CAPN15: variants seen among roughly 807,000 people sequenced by gnomAD.
CAPN15 encodes calpain-15.
CAPN15 carries 53 observed loss-of-function variants against 97.9 expected under a neutral mutation model. The observed-to-expected ratio is 0.54, with a 90% CI of 0.43 to 0.68. The LOEUF (loss-of-function observed/expected upper bound fraction) is 0.68, where lower values mean the gene tolerates loss of function less well. CAPN15 is among the 30% of genes least tolerant of loss of function. The pLI is 0.00. For synonymous variants in CAPN15, 922 were observed against 722.5 expected, an observed-to-expected ratio of 1.28 and a Z score of -4.43; for missense variants, 1,592 against 1,589.8, an observed-to-expected ratio of 1.00 and a Z score of -0.02.
Position 549,766 on chromosome 16 carries a change from C to G in CAPN15, c.1994C>G (p.Ser665Cys), listed in dbSNP as rs757114864. The G allele has an allele frequency of 2.0e-5, 32 of 1,592,574 alleles. No individual in the cohort carries two copies. The highest frequency in any genetic ancestry group is 2.7e-5 in the Non-Finnish European group (32 of 1,169,866). ...GAGAGCCTGGCGCTGCAGCTCAGCT[C>G]CACTAACCCCCGCGAGGAGCCCGTT... Reference protein sequence around the residue: ...PCESLALQLSSTNPREEPVDT... With the variant: ...PCESLALQLSCTNPREEPVDT... The change falls in exon 7 of 14, where the codon TCC becomes TGC. Residue 665 changes from serine to cysteine, a missense_variant. Coordinates refer to ENST00000219611, the MANE Select transcript of CAPN15 (RefSeq NM_005632.3).
In CAPN15 at chr16:545,865, C is replaced by T. The variant is rs375290273; in HGVS notation, c.-22-952C>T. Among the ~76,000 whole-genome samples the T allele has an allele frequency of 9.2e-5, 14 of 152,368 alleles. No homozygotes were observed. The East Asian group carries it at 2.1e-3, about 23-fold the overall frequency. ...GCCCAGGCCGGACGCCTGGGCTGTG[C>T]CGCCTCGGCAGCCAGGCCGAGGAAC... On this transcript the variant is annotated intron_variant, in intron 3 of 13. Transcript: ENST00000219611.
rs1390966174 is a variant in CAPN15 at position 554,246 on chromosome 16, CA to C, written c.*731del. Reference sequence around the variant, plus strand: ...ACCCTGTCCCTCGGCCCGGCCCTGCCAGAGAGGGACCCCAGCACATCGTGGG... The same window carrying C: ...ACCCTGTCCCTCGGCCCGGCCCTGCCGAGAGGGACCCCAGCACATCGTGGG... On this transcript the variant is annotated 3_prime_UTR_variant, in exon 14 of 14. Coordinates refer to ENST00000219611, the MANE Select transcript of CAPN15 (RefSeq NM_005632.3). 3 of 333,632 alleles carry C rather than the reference CA, an allele frequency of 9.0e-6. No homozygotes were observed. The East Asian group carries it at 2.3e-4, about 26-fold the overall frequency. 20.7% of individuals were successfully genotyped at this position (333,632 alleles called of 1,614,324 possible). A position where few individuals can be genotyped will look rare whatever the true frequency, so the allele number is the denominator to read the frequency against.
At chr16:546,703 T>C (rs2034607686) in intron 3 of CAPN15, 114 bp from the exon 4 acceptor site, 2 of 1,371,326 alleles carry the variant, frequency 1.5e-6, no homozygotes, top group Admixed American at 5.6e-5. Flanking sequence ...CCCTAGGCCC[T>C]CGGCCCCGTA....
At position 549,327 on chromosome 16, in the gene CAPN15, C is replaced by G. The variant is rs1011377881; in HGVS notation, c.1698C>G (p.Asp566Glu). The change falls in exon 6 of 14, where the codon GAC (aspartate) becomes GAG (glutamate). Residue 566 changes from aspartate to glutamate, a missense_variant. Physicochemically the swap from Asp to Glu is conservative, Grantham distance 45. Coordinates refer to ENST00000219611, the MANE Select transcript of CAPN15 (RefSeq NM_005632.3). The stretch of plus-strand genomic sequence containing the variant: ...TGGCGGTGCTGGCGGAGCGGCCGGA[C>G]CTGGTGGAGCGGGTGATGGTCACGC... ...SALAVLAERP[D>E]LVERVMVTRS... 6.3e-7 allele frequency: 1 copy of G among 1,594,494 alleles called. No homozygotes were observed. Among genetic ancestry groups the G allele is most frequent in the Non-Finnish European group, 8.5e-7 (1 of 1,177,166 alleles).
chr16:548,386 A>G (rs1037046182), intron 4 of CAPN15, 99 bp downstream of exon 4: 1 of 1,226,754 alleles, frequency 8.2e-7, no homozygotes, highest in African/African-American at 1.6e-5. Context: ...GGAGGAGCCC[A>G]CAAGGCCTAA....
rs1255316865 is a variant in CAPN15 at position 552,831 on chromosome 16, C to T, written c.2905-32C>T. ...CAGGGGGAGTATGCCCCAGCACCTC[C>T]CCTGCCCCACAACTGCCATTCCTGT... is the stretch of plus-strand genomic sequence containing the variant. On this transcript the variant is annotated intron_variant, in intron 12 of 13. Transcript: ENST00000219611. This position sits in a 1 kb window ranked among gnomAD's most constrained non-coding sequence, Gnocchi z 6.4. The T allele has an allele frequency of 9.5e-6, 15 of 1,575,208 alleles. No homozygotes were observed. Among genetic ancestry groups the T allele is most frequent in the Non-Finnish European group, 1.2e-5 (14 of 1,158,026 alleles).
rs182876446 is a variant in CAPN15 at position 544,489 on chromosome 16, C to T, written c.-22-2328C>T. 1.1e-3 allele frequency among the ~76,000 whole-genome samples: 171 copies of T among 152,246 alleles called. 1 individual carries two copies. The highest frequency in any genetic ancestry group is 3.6e-3 in the African/African-American group (149 of 41,540). On this transcript the variant is annotated intron_variant, in intron 3 of 13. Coordinates refer to ENST00000219611, the MANE Select transcript of CAPN15 (RefSeq NM_005632.3). ...TCACAGGCCCGCGGCCTCCACGCTC[C>T]GGGTGCTGCTGTCCCGGCTGCTTCA...
rs1247824213 is a variant in CAPN15, at chr16:553,526, C to T, written c.*10C>T. The T allele has an allele frequency of 2.5e-6, 4 of 1,595,418 alleles. No homozygotes were observed. The highest frequency in any genetic ancestry group is 3.4e-6 in the Non-Finnish European group (4 of 1,168,250). On this transcript the variant is annotated 3_prime_UTR_variant, in exon 14 of 14. Transcript: ENST00000219611. ...GCCCCGACCGCTGTGACCACCATGCCTGGGGCAGGGGCTGTGCACAGACGG... is the reference window on the plus strand; with the variant it reads ...GCCCCGACCGCTGTGACCACCATGCTTGGGGCAGGGGCTGTGCACAGACGG...
In CAPN15 at chr16:549,397, G is replaced by A. The variant is rs2034832818; in HGVS notation, c.1768G>A (p.Asp590Asn). 6.3e-7 allele frequency: 1 copy of A among 1,599,446 alleles called. No homozygotes were observed. Among genetic ancestry groups the A allele is most frequent in the Non-Finnish European group, 8.5e-7 (1 of 1,178,790 alleles). Residue 590 changes from aspartate (D) to asparagine (N), a missense_variant, in exon 6 of 14, where the codon GAC (aspartate) becomes AAC (asparagine). This residue lies in a region of CAPN15 where 65 missense variants were observed against 113.7 expected (regional missense o/e 0.57). Transcript: ENST00000219611. ...CGCCTACCAGGTGCGGCTGTGCAAG[G>A]ACGGCACGTGGACCACGGTGCTGGT... is the stretch of plus-strand genomic sequence containing the variant. ...EGAYQVRLCK[D>N]GTWTTVLVDD...
At position 535,961 on chromosome 16, in the gene CAPN15, G is replaced by A. The variant is rs566989804; in HGVS notation, c.-136-68G>A. 138 of 415,052 alleles carry A rather than the reference G, an allele frequency of 3.3e-4. No homozygotes were observed. Among genetic ancestry groups the A allele is most frequent in the South Asian group, 2.2e-3 (23 of 10,276 alleles). 25.7% of individuals were successfully genotyped at this position (415,052 alleles called of 1,614,324 possible). ...CGGGGGCCTCACCCTGCTGTCCCTC[G>A]GCCTGGCCTGGGCACACTCCTTGGT... On this transcript the variant is annotated intron_variant, in intron 2 of 13. Transcript: ENST00000219611. The surrounding 1 kb of genome is among the most constrained non-coding windows in gnomAD (Gnocchi z 6.2).
At chr16:541,482 G>A (rs1006340586) in intron 3 of CAPN15, among the ~76,000 whole-genome samples, 3 of 152,182 alleles carry the variant, frequency 2.0e-5, no homozygotes, top group Non-Finnish European at 2.9e-5. Context: ...CCTGGTGGTC[G>A]GCAGAGGAAG....
At chr16:531,115 AG>A (rs2141945946) in intron 1 of CAPN15, among the ~76,000 whole-genome samples, 1 of 152,408 alleles carries the variant, frequency 6.6e-6, no homozygotes, top group South Asian at 2.1e-4. Flanking sequence ...CCTCTGTGGA[AG>A]GAGCTTGCTC....
intron 13 of CAPN15, 143 bp downstream of exon 13, chr16:553,184 C>CCA: frequency 2.0e-6 from 1 of 497,362 alleles, no homozygotes; most frequent in East Asian, 3.4e-5. Context: ...ACCCATGCCC[C>CCA]CCCCACCCCT....
In CAPN15 at chr16:547,678, G is replaced by A; in HGVS notation, c.840G>A (p.Trp280Ter). 1 of 1,588,850 alleles carries A rather than the reference G, an allele frequency of 6.3e-7. No individual in the cohort carries two copies. ...GCRGAPQGSG[W>*]AGASRLAELL... is the part of the protein sequence containing the mutation. Reference sequence around the variant, plus strand: ...GGGGAGCCCCCCAGGGCTCGGGCTGGGCTGGGGCCTCCCGCCTAGCAGAGT... The same window carrying A: ...GGGGAGCCCCCCAGGGCTCGGGCTGAGCTGGGGCCTCCCGCCTAGCAGAGT... The change falls in exon 4 of 14, where the codon TGG becomes TGA. Residue 280 changes from tryptophan to a stop codon, truncating the protein, a stop_gained. Transcript: ENST00000219611. LOFTEE classifies it high-confidence loss of function.
chr16:549,855 T>G lies in CAPN15; in HGVS notation c.2066+17T>G, dbSNP rs1243517124. The G allele has an allele frequency of 2.6e-6, 4 of 1,548,124 alleles. No homozygotes were observed. The Admixed American group carries it at 7.5e-5, about 29-fold the overall frequency. On this transcript the variant is annotated intron_variant, in intron 7 of 13. Coordinates refer to ENST00000219611, the MANE Select transcript of CAPN15 (RefSeq NM_005632.3). Reference sequence around the variant, plus strand: ...GGAGGCTGGGTAAGAGGAGGGGCACTGCGTGGTCAGCCGCGTTGGGAGGAG... The same window carrying G: ...GGAGGCTGGGTAAGAGGAGGGGCACGGCGTGGTCAGCCGCGTTGGGAGGAG...
intron 3 of CAPN15, among the ~76,000 whole-genome samples, chr16:545,124 A>G (rs1474830636): frequency 1.3e-5 from 2 of 151,966 alleles, no homozygotes; most frequent in East Asian, 1.9e-4. Context: ...TCAAGGCTGC[A>G]GTGAGCCGTG....
At position 552,450 on chromosome 16, in the gene CAPN15, T is replaced by A. The variant is rs1403673759; in HGVS notation, c.2657T>A (p.Leu886Gln). Residue 886 changes from leucine to glutamine, a missense_variant, in exon 11 of 14, where the codon CTG becomes CAG. By Grantham distance (113) the Leu-to-Gln change is moderately radical (BLOSUM62 -2). Coordinates refer to ENST00000219611, the MANE Select transcript of CAPN15 (RefSeq NM_005632.3). This position sits in a 1 kb window ranked among gnomAD's most constrained non-coding sequence, Gnocchi z 6.4. The part of the protein sequence containing the change: ...VKKFVSCDVM[L>Q]EPGEYAVVCC... Reference sequence around the variant, plus strand: ...AAGTTCGTCAGCTGCGACGTCATGCTGGAGCCTGGCGAGTACGCTGTGGTG... The same window carrying A: ...AAGTTCGTCAGCTGCGACGTCATGCAGGAGCCTGGCGAGTACGCTGTGGTG... 1 of 1,610,190 alleles carries A rather than the reference T, an allele frequency of 6.2e-7. No individual in the cohort carries two copies. The highest frequency in any genetic ancestry group is 8.5e-7 in the Non-Finnish European group (1 of 1,179,676).
At chr16:545,657 C>G (rs140179697) in intron 3 of CAPN15, among the ~76,000 whole-genome samples, 1 of 152,234 alleles carries the variant, frequency 6.6e-6, no homozygotes, top group Admixed American at 6.5e-5. Context: ...TCTCATTCTC[C>G]TCTCTGGAGC....
At chr16:534,753 G>A (rs1000131289) in intron 2 of CAPN15, among the ~76,000 whole-genome samples, 1 of 152,200 alleles carries the variant, frequency 6.6e-6, no homozygotes. Flanking sequence ...GCAAGGCCAG[G>A]CCACCAGCTG....
Sources: allele counts gnomAD v4.1 joint callset (sites outside exome capture counted in the v4.1 genomes callset), GRCh38; gene constraint gnomAD v4.1.1; regional missense constraint gnomAD v4.1.1; non-coding constraint Gnocchi (gnomAD v3.1); transcripts MANE v1.5; gene names NCBI Gene and HGNC (gene_info 2026-07-23, HGNC 2026-07-21).